TDRD7: variants seen among roughly 807,000 people sequenced by gnomAD.
TDRD7 encodes the protein tudor domain-containing protein 7.
TDRD7 carries 47 observed loss-of-function variants against 109.8 expected under a neutral mutation model. The observed-to-expected ratio is 0.43, with a 90% CI of 0.34 to 0.55. The LOEUF (loss-of-function observed/expected upper bound fraction) is 0.55, where lower values mean the gene tolerates loss of function less well. TDRD7 is among the 20% of genes least tolerant of loss of function. The pLI is 0.03. For synonymous variants in TDRD7, 424 were observed against 457.3 expected, an observed-to-expected ratio of 0.93 and a Z score of 0.93; for missense variants, 1,164 against 1,319.2, an observed-to-expected ratio of 0.88 and a Z score of 1.82.
At position 97,495,973 on chromosome 9, in the gene TDRD7, T is replaced by A; in HGVS notation, c.*90T>A. 1 of 957,922 alleles carries A rather than the reference T, an allele frequency of 1.0e-6. No homozygotes were observed. The highest frequency in any genetic ancestry group is 1.7e-6 in the Non-Finnish European group (1 of 594,416). 59.3% of individuals were successfully genotyped at this position (957,922 alleles called of 1,614,324 possible). On this transcript the variant is annotated 3_prime_UTR_variant, in exon 17 of 17. Coordinates refer to ENST00000355295, the MANE Select transcript of TDRD7 (RefSeq NM_014290.3). ...TAAAAAAAATCTTAACTCTGCTACATGGCTCTGACTGCTGTGGGGGATTGA... is the reference window on the plus strand; with the variant it reads ...TAAAAAAAATCTTAACTCTGCTACAAGGCTCTGACTGCTGTGGGGGATTGA...
intron 1 of TDRD7, among the ~76,000 whole-genome samples, chr9:97,423,214 A>G (rs1218048013): frequency 2.6e-5 from 4 of 152,106 alleles, no homozygotes; most frequent in Non-Finnish European, 5.9e-5. Flanking sequence ...AGCTATAGGG[A>G]TATTTGAGGG....
At chr9:97,477,401 G>A (rs928456208) in intron 12 of TDRD7, among the ~76,000 whole-genome samples, 2 of 152,182 alleles carry the variant, frequency 1.3e-5, no homozygotes, top group African/African-American at 4.8e-5. Context: ...CAGTTACTCA[G>A]CCTTTCTTTG....
At chr9:97,414,185 A>G (rs1183955126) in intron 1 of TDRD7, among the ~76,000 whole-genome samples, 1 of 152,176 alleles carries the variant, frequency 6.6e-6, no homozygotes, top group Non-Finnish European at 1.5e-5. Context: ...CCACCTCTGT[A>G]CTTTTGAAAG....
intron 8 of TDRD7, among the ~76,000 whole-genome samples, chr9:97,468,459 T>C (rs552166869): frequency 2.0e-5 from 3 of 152,376 alleles, no homozygotes; most frequent in Admixed American, 1.3e-4. Context: ...TTTTGTGCAG[T>C]AGCAAGCTCT....
In TDRD7 at chr9:97,460,288, T is replaced by G. The variant is rs1483453561; in HGVS notation, c.966T>G (p.Pro322=). 1 of 1,614,224 alleles carries G rather than the reference T, an allele frequency of 6.2e-7. No homozygotes were observed. Among genetic ancestry groups the G allele is most frequent in the Non-Finnish European group, 8.5e-7 (1 of 1,180,028 alleles). ...DTEKVPLSPL[P]GPKQTPPLKG... ...AGAAAGTACCTCTATCCCCACTACCTGGTCCCAAACAAACACCACCGTTGA... is the reference window on the plus strand; with the variant it reads ...AGAAAGTACCTCTATCCCCACTACCGGGTCCCAAACAAACACCACCGTTGA... Residue 322 remains proline (P), a synonymous_variant, in exon 7 of 17, where the codon CCT becomes CCG. Transcript: ENST00000355295.
At chr9:97,414,539 G>C (rs1172762140) in intron 1 of TDRD7, among the ~76,000 whole-genome samples, 1 of 152,190 alleles carries the variant, frequency 6.6e-6, no homozygotes, top group African/African-American at 2.4e-5. Flanking sequence ...ATCAGTAGCG[G>C]AACTAGGATT....
chr9:97,440,657 A>G (rs1455528913), intron 5 of TDRD7, among the ~76,000 whole-genome samples: 1 of 152,036 alleles, frequency 6.6e-6, no homozygotes. Context: ...GGAATAGCTC[A>G]CTCTGGGCTT....
chr9:97,465,873 A>G (rs774215132), intron 8 of TDRD7, among the ~76,000 whole-genome samples: 2 of 152,112 alleles, frequency 1.3e-5, no homozygotes, highest in African/African-American at 2.4e-5. Context: ...CTAAAGGGAA[A>G]TGCGCTTTAA....
At chr9:97,449,030 GAAGTA>G (rs777217100) in intron 6 of TDRD7, among the ~76,000 whole-genome samples, 3 of 152,210 alleles carry the variant, frequency 2.0e-5, no homozygotes, top group Non-Finnish European at 4.4e-5. Context: ...TAGAAAGAAA[GAAGTA>G]AAGACCCTTA....
chr9:97,481,813 T>C (rs1829121439), intron 14 of TDRD7, among the ~76,000 whole-genome samples: 1 of 152,222 alleles, frequency 6.6e-6, no homozygotes, highest in Non-Finnish European at 1.5e-5. Context: ...TTCTGTATTA[T>C]AAATTTCAAA....
chr9:97,439,561 C>G lies in TDRD7; in HGVS notation c.637+243C>G, dbSNP rs1392432663. ...TCACCCCAGCCCTACTCTGTGTCAC[C>G]TCTATGTGTGGCCTGCAGAGATGCT... On this transcript the variant is annotated intron_variant, in intron 5 of 16. Transcript: ENST00000355295. 3.3e-5 allele frequency among the ~76,000 whole-genome samples: 5 copies of G among 152,286 alleles called. No homozygotes were observed. The East Asian group carries it at 7.7e-4, about 23-fold the overall frequency.
chr9:97,457,677 C>T (rs1828642467), intron 6 of TDRD7, among the ~76,000 whole-genome samples: 1 of 152,140 alleles, frequency 6.6e-6, no homozygotes, highest in African/African-American at 2.4e-5. Flanking sequence ...TGCACCCGGC[C>T]ACACACGTAT....
Position 97,422,789 on chromosome 9 carries a change from GTGT to G in TDRD7, c.-6-5666_-6-5664del, listed in dbSNP as rs547419230. Among the ~76,000 whole-genome samples, 18 of 152,090 alleles carry G rather than the reference GTGT, an allele frequency of 1.2e-4. No homozygotes were observed. The South Asian group carries it at 1.5e-3, about 12-fold the overall frequency. On this transcript the variant is annotated intron_variant, in intron 1 of 16. Coordinates refer to ENST00000355295, the MANE Select transcript of TDRD7 (RefSeq NM_014290.3). The stretch of plus-strand genomic sequence containing the variant: ...CTTTTTTTCACCTATTGATATGATT[GTGT>G]TGTTTAATTTCCTTTAATCTGTTGA...
chr9:97,478,159 G>T (rs181127167), intron 12 of TDRD7, among the ~76,000 whole-genome samples: 368 of 152,246 alleles, frequency 2.4e-3, no homozygotes, highest in African/African-American at 8.5e-3. Context: ...TACTTGGGAG[G>T]CTGAGGCAGG....
chr9:97,475,528 C>T (rs1463273856), intron 12 of TDRD7, 59 bp downstream of exon 12: 5 of 1,226,800 alleles, frequency 4.1e-6, no homozygotes, highest in Middle Eastern at 1.9e-4. Flanking sequence ...TTCAAATATA[C>T]ACATAGGTTT....
chr9:97,437,793 G>GT (rs1311830065), intron 4 of TDRD7, among the ~76,000 whole-genome samples: 2 of 152,060 alleles, frequency 1.3e-5, no homozygotes, highest in Non-Finnish European at 2.9e-5. Flanking sequence ...GATTTGGAAG[G>GT]TTTTTTTCTG....
At chr9:97,445,271 G>T (rs1254453600) in intron 6 of TDRD7, among the ~76,000 whole-genome samples, 1 of 122,686 alleles carries the variant, frequency 8.2e-6, no homozygotes, top group East Asian at 2.4e-4. Context: ...TAGTGCTCTC[G>T]TTTAACTGTT....
At position 97,470,631 on chromosome 9, in the gene TDRD7, G is replaced by T; in HGVS notation, c.1703G>T (p.Cys568Phe). ...GCATACAAATTAAACCCGAAGTTTTGTTCACTCTCATTTCAAGCTACAAAA... is the reference window on the plus strand; with the variant it reads ...GCATACAAATTAAACCCGAAGTTTTTTTCACTCTCATTTCAAGCTACAAAA... The part of the protein sequence containing the change: ...SKAYKLNPKF[C>F]SLSFQATKCK... Residue 568 changes from cysteine (C) to phenylalanine (F), a missense_variant, in exon 9 of 17, where the codon TGT (cysteine) becomes TTT (phenylalanine). Cys to Phe is a radical substitution (Grantham distance 205). Transcript: ENST00000355295. 6.2e-7 allele frequency: 1 copy of T among 1,613,878 alleles called. No homozygotes were observed. The highest frequency in any genetic ancestry group is 8.5e-7 in the Non-Finnish European group (1 of 1,179,904).
At chr9:97,461,152 AAAG>A (rs1828716885) in intron 7 of TDRD7, among the ~76,000 whole-genome samples, 1 of 152,162 alleles carries the variant, frequency 6.6e-6, no homozygotes, top group Non-Finnish European at 1.5e-5. Flanking sequence ...AAAAAAAAAA[AAAG>A]GATAACATAT....
Sources: gnomAD v4.1 joint callset for allele counts (sites outside exome capture counted in the v4.1 genomes callset) on GRCh38, gnomAD v4.1.1 for gene constraint, MANE v1.5 for transcripts, NCBI Gene and HGNC (gene_info 2026-07-23, HGNC 2026-07-21) for gene names.